The following PEBP4 variants were observed in gnomAD, a reference collection of about 807,000 sequenced individuals.
PEBP4 encodes the protein phosphatidylethanolamine-binding protein 4.
In PEBP4, 22 loss-of-function variants were observed where a neutral mutation model predicts 23.9. The ratio of observed to expected loss-of-function variants is 0.92; its 90% CI spans 0.66 to 1.31. PEBP4 has a LOEUF of 1.31. PEBP4 is among the 40% of genes most tolerant of loss of function. PEBP4 has a pLI of 0.00. For missense variants in PEBP4, 324 were observed against 281.7 expected (o/e 1.15, Z -1.07); for synonymous variants, 112 against 99.3 (o/e 1.13, Z -0.76).
At chr8:22,924,773 C>T (rs1156711322) in intron 2 of PEBP4, 2 of 985,172 alleles carry the variant, frequency 2.0e-6, no homozygotes, top group African/African-American at 3.5e-5. Context: ...ATGGTTCTTT[C>T]CATTCTGCGA....
intron 4 of PEBP4, among the ~76,000 whole-genome samples, chr8:22,812,331 G>A (rs1806648593): frequency 6.6e-6 from 1 of 152,212 alleles, no homozygotes; most frequent in African/African-American, 2.4e-5. Flanking sequence ...TTCCCACCTG[G>A]AAGCGGCAGA....
At position 22,727,288 on chromosome 8, in the gene PEBP4, G is replaced by A. The variant is rs374694789; in HGVS notation, c.358-68C>T. 4.3e-3 allele frequency: 6,342 copies of A among 1,491,358 alleles called. 24 individuals carry two copies. Among genetic ancestry groups the A allele is most frequent in the Non-Finnish European group, 5.0e-3 (5,390 of 1,078,300 alleles). The allele number at this position is 1,491,358 out of a possible 1,614,324, so 92.4% of individuals were successfully genotyped here. A position where few individuals can be genotyped will look rare whatever the true frequency, so the allele number is the denominator to read the frequency against. ...ACACTTCAGGCCACGTGGGCTCTGC[G>A]GGATTGCTTCTCTCTCTGCAGGAGG... On this transcript the variant is annotated intron_variant, in intron 4 of 6. Transcript: ENST00000256404.
intron 6 of PEBP4, among the ~76,000 whole-genome samples, chr8:22,714,836 C>T (rs1412418466): frequency 6.6e-6 from 1 of 152,118 alleles, no homozygotes; most frequent in African/African-American, 2.4e-5. Flanking sequence ...CCAGAGGCTG[C>T]TGACATTTCA....
chr8:22,780,962 T>A (rs943504259), intron 4 of PEBP4, among the ~76,000 whole-genome samples: 3 of 152,164 alleles, frequency 2.0e-5, no homozygotes, highest in Non-Finnish European at 2.9e-5. Context: ...CTATCTCCCA[T>A]CTCCAGCTGA....
rs10107033 is a variant in PEBP4 at position 22,724,916 on chromosome 8, A to G, written c.444T>C (p.His148=). The G allele has an allele frequency of 0.017, 27,418 of 1,614,022 alleles. 1,024 individuals are homozygous for G. The highest frequency in any genetic ancestry group is 0.13 in the African/African-American group (9,542 of 74,990). ...GAAGATAGACAAAGAACTGGTAGCG[A>G]TGGAAGCCACTGTGTGCCGGTGGGG... is the stretch of plus-strand genomic sequence containing the variant. ...APSPPAHSGF[H]RYQFFVYLQE... is the part of the protein sequence containing the mutation. The change falls in exon 6 of 7, where the codon CAT becomes CAC. Residue 148 remains histidine (H), a synonymous_variant. Coordinates refer to ENST00000256404, the MANE Select transcript of PEBP4 (RefSeq NM_144962.3).
At chr8:22,760,225 A>T (rs1259727831) in intron 4 of PEBP4, among the ~76,000 whole-genome samples, 2 of 152,160 alleles carry the variant, frequency 1.3e-5, no homozygotes, top group Admixed American at 1.3e-4. Flanking sequence ...TAGAGCAGTT[A>T]AATCACCTGC....
At chr8:22,891,464 G>A (rs554919165) in intron 3 of PEBP4, among the ~76,000 whole-genome samples, 3 of 152,238 alleles carry the variant, frequency 2.0e-5, no homozygotes, top group East Asian at 3.9e-4. Context: ...GGGCTGGTGT[G>A]ATTCATCCCA....
intron 6 of PEBP4, among the ~76,000 whole-genome samples, chr8:22,720,302 A>G (rs578208228): frequency 1.1e-4 from 17 of 152,218 alleles, no homozygotes; most frequent in Non-Finnish European, 1.9e-4. Flanking sequence ...GGCTCAGCGG[A>G]TCAGCCTTGT....
At chr8:22,742,586 T>G (rs184229873) in intron 4 of PEBP4, among the ~76,000 whole-genome samples, 1 of 152,298 alleles carries the variant, frequency 6.6e-6, no homozygotes, top group African/African-American at 2.4e-5. Context: ...GCTGTCTAGC[T>G]GCTCAGTGGG....
rs115409008 is a variant in PEBP4 at position 22,902,270 on chromosome 8, G to A, written c.258+17914C>T. ...CTTGAACCTAGGAGGCGGAGGTTGC[G>A]GTGAGCCGAGTTCACCCCATCGCAC... is the stretch of plus-strand genomic sequence containing the variant. On this transcript the variant is annotated intron_variant, in intron 3 of 6. Transcript: ENST00000256404. 8.9e-3 allele frequency among the ~76,000 whole-genome samples: 1,349 copies of A among 152,176 alleles called. 27 individuals are homozygous for A. Among genetic ancestry groups the A allele is most frequent in the African/African-American group, 0.031 (1,287 of 41,524 alleles).
At chr8:22,894,945 T>G (rs1484909284) in intron 3 of PEBP4, among the ~76,000 whole-genome samples, 1 of 152,168 alleles carries the variant, frequency 6.6e-6, no homozygotes, top group Non-Finnish European at 1.5e-5. Context: ...AGGTCGACAC[T>G]TACCACCCCT....
chr8:22,834,988 A>G (rs765417242), intron 3 of PEBP4, among the ~76,000 whole-genome samples: 12 of 152,146 alleles, frequency 7.9e-5, no homozygotes, highest in South Asian at 4.1e-4. Context: ...CTTGTCCCCA[A>G]ACACATTTCT....
At chr8:22,796,456 T>G (rs1214836861) in intron 4 of PEBP4, among the ~76,000 whole-genome samples, 4 of 152,320 alleles carry the variant, frequency 2.6e-5, no homozygotes, top group Admixed American at 2.6e-4. Flanking sequence ...CTCTTACTAC[T>G]ATCATTGTCA....
intron 3 of PEBP4, among the ~76,000 whole-genome samples, chr8:22,919,419 G>A (rs570401368): frequency 2.0e-5 from 3 of 152,242 alleles, no homozygotes; most frequent in South Asian, 2.1e-4. Flanking sequence ...GACACTCTGC[G>A]GGCTCAGTCT....
intron 3 of PEBP4, chr8:22,884,559 A>T (rs1280797533): frequency 6.6e-6 from 1 of 152,110 alleles, no homozygotes; most frequent in African/African-American, 2.4e-5. Context: ...GGTTGACAAG[A>T]CTCACTCAGT....
intron 3 of PEBP4, among the ~76,000 whole-genome samples, chr8:22,887,415 C>G (rs1322666527): frequency 6.6e-6 from 1 of 151,666 alleles, no homozygotes; most frequent in Non-Finnish European, 1.5e-5. Context: ...TCCCAAAGTG[C>G]TGGGATTACA....
intron 3 of PEBP4, among the ~76,000 whole-genome samples, chr8:22,859,413 C>A (rs11777000): frequency 0.37 from 55,946 of 152,062 alleles, 10,713 homozygotes; most frequent in Middle Eastern, 0.48. Context: ...AGCTTGAATA[C>A]TCCAGGGGGA....
At chr8:22,724,196 C>T (rs142163787) in intron 6 of PEBP4, among the ~76,000 whole-genome samples, 108 of 152,304 alleles carry the variant, frequency 7.1e-4, no homozygotes, top group Middle Eastern at 3.4e-3. Flanking sequence ...AGGTGAGACA[C>T]TTGTGGCATG....
intron 4 of PEBP4, among the ~76,000 whole-genome samples, chr8:22,783,982 T>G (rs1323307654): frequency 1.3e-5 from 2 of 152,178 alleles, no homozygotes; most frequent in Non-Finnish European, 2.9e-5. Flanking sequence ...AAGAGATCAC[T>G]GGCTTTGGAG....
Sources: gnomAD v4.1 joint callset for allele counts (sites outside exome capture counted in the v4.1 genomes callset) on GRCh38, gnomAD v4.1.1 for gene constraint, MANE v1.5 for transcripts, NCBI Gene and HGNC (gene_info 2026-07-23, HGNC 2026-07-21) for gene names.